Variants in SPATA17 observed in about 807,000 individuals in gnomAD.
The protein encoded by SPATA17 is spermatogenesis-associated protein 17.
SPATA17 carries 53 observed loss-of-function variants against 62.2 expected under a neutral mutation model. The observed-to-expected ratio is 0.85, with a 90% CI of 0.68 to 1.07. The LOEUF is 1.07. Ranked by LOEUF, SPATA17 falls within the 50% of genes least tolerant of loss-of-function variation. The probability of loss-of-function intolerance (pLI) is 0.00; values close to 1 mark genes in which losing one functional copy is unlikely to be tolerated. For synonymous variants in SPATA17, 146 were observed against 146.8 expected, an observed-to-expected ratio of 0.99 and a Z score of 0.04; for missense variants, 466 against 425.5, an observed-to-expected ratio of 1.10 and a Z score of -0.84.
intron 6 of SPATA17, among the ~76,000 whole-genome samples, chr1:217,757,212 T>G (rs769281445): frequency 4.6e-5 from 7 of 152,162 alleles, no homozygotes; most frequent in South Asian, 4.1e-4. Context: ...ATCCCCTTTT[T>G]CCTGCCTGAT....
At chr1:217,672,535 A>G (rs1670855146) in intron 4 of SPATA17, among the ~76,000 whole-genome samples, 1 of 152,182 alleles carries the variant, frequency 6.6e-6, no homozygotes, top group Non-Finnish European at 1.5e-5. Flanking sequence ...AATGTATTCA[A>G]TTGTCAAAGA....
intron 6 of SPATA17, among the ~76,000 whole-genome samples, chr1:217,758,460 T>C (rs1673097750): frequency 6.6e-6 from 1 of 152,170 alleles, no homozygotes; most frequent in African/African-American, 2.4e-5. Flanking sequence ...TATAAGGTAG[T>C]TCCATTACTA....
chr1:217,834,555 G>A (rs527822390), intron 9 of SPATA17, among the ~76,000 whole-genome samples: 1 of 151,896 alleles, frequency 6.6e-6, no homozygotes. Flanking sequence ...ATTTTAAAAA[G>A]TTAAAAATAA....
rs1553251071 is a variant in SPATA17 at position 217,770,978 on chromosome 1, A to AATTTTTTTTTTTTTTTTTTTTTTTTTTTT, written c.520-3356_520-3355insATTTTTTTTTTTTTTTTTTTTTTTTTTTT. ...ATGTATCTATTATATAACTCATTGC[A>AATTTTTTTTTTTTTTTTTTTTTTTTTTTT]TTTTTTTTTTTTTTTTTTTTTTTTT... is the stretch of plus-strand genomic sequence containing the variant. On this transcript the variant is annotated intron_variant, in intron 6 of 10. Transcript: ENST00000366933. Among the ~76,000 whole-genome samples the AATTTTTTTTTTTTTTTTTTTTTTTTTTTT allele has an allele frequency of 2.8e-4, 14 of 50,162 alleles. 2 individuals are homozygous for AATTTTTTTTTTTTTTTTTTTTTTTTTTTT. Among genetic ancestry groups the AATTTTTTTTTTTTTTTTTTTTTTTTTTTT allele is most frequent in the Admixed American group, 7.9e-4 (2 of 2,546 alleles). The allele number at this position is 50,162 out of a possible 152,430, so 32.9% of individuals were successfully genotyped here.
At chr1:217,841,593 T>C (rs556300451) in intron 9 of SPATA17, among the ~76,000 whole-genome samples, 1 of 151,922 alleles carries the variant, frequency 6.6e-6, no homozygotes, top group Non-Finnish European at 1.5e-5. Flanking sequence ...TATTATTGAT[T>C]CCAATATTAC....
chr1:217,672,816 G>C (rs1221432498), intron 4 of SPATA17, among the ~76,000 whole-genome samples: 1 of 151,786 alleles, frequency 6.6e-6, no homozygotes, highest in Non-Finnish European at 1.5e-5. Context: ...TTCTGTTATA[G>C]AACCTGTAAC....
chr1:217,679,554 T>A (rs1671030444), intron 4 of SPATA17, among the ~76,000 whole-genome samples: 1 of 152,238 alleles, frequency 6.6e-6, no homozygotes, highest in Non-Finnish European at 1.5e-5. Context: ...AAAGACTGAT[T>A]GATTATACTT....
At chr1:217,864,064 G>C (rs1385538571) in intron 10 of SPATA17, among the ~76,000 whole-genome samples, 1 of 152,090 alleles carries the variant, frequency 6.6e-6, no homozygotes, top group Admixed American at 6.6e-5. Flanking sequence ...CTACTCTGAA[G>C]GAATACATGA....
chr1:217,794,986 C>A (rs1027915313), intron 8 of SPATA17, among the ~76,000 whole-genome samples: 1 of 152,126 alleles, frequency 6.6e-6, no homozygotes, highest in African/African-American at 2.4e-5. Flanking sequence ...ATTATGATTT[C>A]TCTTTGATGT....
chr1:217,807,651 A>C (rs1383147018), intron 9 of SPATA17, among the ~76,000 whole-genome samples: 1 of 152,182 alleles, frequency 6.6e-6, no homozygotes, highest in Non-Finnish European at 1.5e-5. Flanking sequence ...TTTATTGCCC[A>C]TATTACAATT....
chr1:217,723,410 G>T (rs569736898), intron 5 of SPATA17, among the ~76,000 whole-genome samples: 5 of 152,156 alleles, frequency 3.3e-5, no homozygotes, highest in Admixed American at 2.0e-4. Context: ...CACCTCTTCA[G>T]AGAAATCTTT....
chr1:217,635,575 G>A (rs144046407), intron 1 of SPATA17, among the ~76,000 whole-genome samples: 268 of 152,042 alleles, frequency 1.8e-3, no homozygotes, highest in African/African-American at 5.8e-3. Context: ...GTGGTGGTGC[G>A]CACCTGTAGT....
At chr1:217,703,499 T>C (rs184840306) in intron 5 of SPATA17, among the ~76,000 whole-genome samples, 4 of 152,310 alleles carry the variant, frequency 2.6e-5, no homozygotes. Flanking sequence ...TCCTAAATTG[T>C]CACTGACGTA....
At chr1:217,711,368 GTT>G (rs1671858811) in intron 5 of SPATA17, among the ~76,000 whole-genome samples, 1 of 151,996 alleles carries the variant, frequency 6.6e-6, no homozygotes, top group African/African-American at 2.4e-5. Context: ...AAGTTTTTAT[GTT>G]TACATATTTT....
chr1:217,632,202 A>G (rs1490129020), intron 1 of SPATA17, among the ~76,000 whole-genome samples: 2 of 151,898 alleles, frequency 1.3e-5, no homozygotes, highest in African/African-American at 4.8e-5. Context: ...ATAAATAAAT[A>G]TAAATAAAAT....
Position 217,659,153 on chromosome 1 carries a change from A to G in SPATA17, c.240+7975A>G, listed in dbSNP as rs182904616. 1.0e-3 allele frequency among the ~76,000 whole-genome samples: 154 copies of G among 151,946 alleles called. 3 individuals are homozygous for G. The East Asian group carries it at 0.027, about 27-fold the overall frequency. ...ATCTATTAAATAAATTAATTTAAAAAGAAATTCAATTTAAAGGAGACTTTG... is the reference window on the plus strand; with the variant it reads ...ATCTATTAAATAAATTAATTTAAAAGGAAATTCAATTTAAAGGAGACTTTG... On this transcript the variant is annotated intron_variant, in intron 3 of 10. Transcript: ENST00000366933.
At chr1:217,699,115 T>C (rs1465022786) in intron 5 of SPATA17, among the ~76,000 whole-genome samples, 1 of 152,242 alleles carries the variant, frequency 6.6e-6, no homozygotes, top group Non-Finnish European at 1.5e-5. Flanking sequence ...CATTGAAGGA[T>C]GTTTGGGTTG....
intron 6 of SPATA17, among the ~76,000 whole-genome samples, chr1:217,749,976 T>TATATATAG (rs1672862205): frequency 1.4e-5 from 1 of 72,862 alleles, no homozygotes; most frequent in East Asian, 3.0e-4. Context: ...TCTCTCTCTC[T>TATATATAG]CTCTCTCTCT....
At chr1:217,634,048 T>C (rs1034672666) in intron 1 of SPATA17, among the ~76,000 whole-genome samples, 2 of 152,160 alleles carry the variant, frequency 1.3e-5, no homozygotes, top group Non-Finnish European at 2.9e-5. Context: ...CTCTGGAAAG[T>C]TGCTCCCACA....
Sources: gnomAD v4.1 joint callset for allele counts (sites outside exome capture counted in the v4.1 genomes callset) on GRCh38, gnomAD v4.1.1 for gene constraint, MANE v1.5 for transcripts, NCBI Gene and HGNC (gene_info 2026-07-23, HGNC 2026-07-21) for gene names.